Variants in ATP13A3 observed in about 807,000 individuals in gnomAD.
ATP13A3 encodes the protein ATPase 13A3.
In ATP13A3, 59 loss-of-function variants were observed where a neutral mutation model predicts 158.1. The ratio of observed to expected loss-of-function variants is 0.37; its 90% CI spans 0.30 to 0.46. ATP13A3 has a LOEUF of 0.46. Ranked by LOEUF, ATP13A3 falls within the 20% of genes least tolerant of loss-of-function variation. ATP13A3 has a pLI of 1.00. For missense variants in ATP13A3, 1,166 were observed against 1,525.2 expected (o/e 0.76, Z 3.92); for synonymous variants, 491 against 504.3 (o/e 0.97, Z 0.35).
At chr3:194,481,112 T>C (rs370183042) in intron 2 of ATP13A3, among the ~76,000 whole-genome samples, 26 of 152,178 alleles carry the variant, frequency 1.7e-4, no homozygotes, top group South Asian at 4.1e-4. Flanking sequence ...TGAGCAGTGA[T>C]TGCACTTTAT....
At chr3:194,467,584 T>C (rs1720069514) in intron 2 of ATP13A3, among the ~76,000 whole-genome samples, 1 of 152,190 alleles carries the variant, frequency 6.6e-6, no homozygotes, top group Non-Finnish European at 1.5e-5. Context: ...GAATATATTA[T>C]ACACCTCAAA....
intron 21 of ATP13A3, 68 bp downstream of exon 21, chr3:194,433,704 C>T (rs1449258632): frequency 1.3e-6 from 2 of 1,566,886 alleles, no homozygotes; most frequent in Non-Finnish European, 1.7e-6. Context: ...ACTGATTATC[C>T]CTCAATATAA....
intron 2 of ATP13A3, among the ~76,000 whole-genome samples, chr3:194,477,900 C>G (rs1720595083): frequency 6.6e-6 from 1 of 152,140 alleles, no homozygotes; most frequent in African/African-American, 2.4e-5. Context: ...GGGTTGAATA[C>G]CTCTGTGTCT....
At chr3:194,430,214 T>C (rs776244680) in intron 25 of ATP13A3, 33 bp from the exon 26 acceptor site, 5 of 1,613,490 alleles carry the variant, frequency 3.1e-6, no homozygotes, top group Non-Finnish European at 3.4e-6. Context: ...TTAAGTTTTG[T>C]GAATATGATT....
chr3:194,454,726 G>A (rs1402707319), intron 8 of ATP13A3, among the ~76,000 whole-genome samples: 1 of 152,026 alleles, frequency 6.6e-6, no homozygotes, highest in African/African-American at 2.4e-5. Flanking sequence ...CTACTCAGGA[G>A]GCCGAAGCAG....
chr3:194,422,264 T>A (rs1302256916), intron 30 of ATP13A3, among the ~76,000 whole-genome samples: 1 of 152,168 alleles, frequency 6.6e-6, no homozygotes, highest in African/African-American at 2.4e-5. Context: ...GGTATTCACT[T>A]TAGAGAGGTA....
intron 2 of ATP13A3, among the ~76,000 whole-genome samples, chr3:194,463,494 C>T (rs980614546): frequency 1.3e-5 from 2 of 151,860 alleles, no homozygotes; most frequent in African/African-American, 4.8e-5. Context: ...TAGCTATAGT[C>T]CACATAAATA....
At chr3:194,472,711 A>G (rs959207749) in intron 2 of ATP13A3, among the ~76,000 whole-genome samples, 13 of 152,242 alleles carry the variant, frequency 8.5e-5, no homozygotes, top group African/African-American at 3.1e-4. Context: ...TGTTCATCAC[A>G]GCACTATTCA....
rs150930223 is a variant in ATP13A3, at chr3:194,403,122, T to C, written c.*2797A>G. On this transcript the variant is annotated 3_prime_UTR_variant, in exon 34 of 34. Coordinates refer to ENST00000645319, the MANE Select transcript of ATP13A3 (RefSeq NM_001367549.1). ...TTTTGCTCTTCACTGGATAATGTTA[T>C]CTATAGCTGTTTCTGTAACAGACTA... The C allele has an allele frequency of 8.3e-4, 127 of 152,346 alleles. 1 individual carries two copies. Among genetic ancestry groups the C allele is most frequent in the African/African-American group, 3.0e-3 (124 of 41,584 alleles). 9.4% of individuals were successfully genotyped at this position (152,346 alleles called of 1,614,324 possible).
rs1317093052 is a variant in ATP13A3 at position 194,431,041 on chromosome 3, A to T, written c.2545-19T>A. On this transcript the variant is annotated intron_variant, in intron 23 of 33. Coordinates refer to ENST00000645319, the MANE Select transcript of ATP13A3 (RefSeq NM_001367549.1). ...ACATCAACTGGAAACAATAATACAA[A>T]TTTTTTTAAAATACTGTTGCGATGC... 9 of 1,613,494 alleles carry T rather than the reference A, an allele frequency of 5.6e-6. No homozygotes were observed. Among genetic ancestry groups the T allele is most frequent in the Middle Eastern group, 3.3e-4 (2 of 6,060 alleles).
intron 30 of ATP13A3, chr3:194,420,400 CTG>C (rs1249245823): frequency 6.5e-6 from 1 of 153,508 alleles, no homozygotes; most frequent in African/African-American, 2.4e-5. Flanking sequence ...TTACTATTGA[CTG>C]TAAAAATGCT....
intron 29 of ATP13A3, among the ~76,000 whole-genome samples, chr3:194,425,759 G>T (rs1379796840): frequency 6.6e-6 from 1 of 152,092 alleles, no homozygotes; most frequent in Non-Finnish European, 1.5e-5. Context: ...GAATCAAGTA[G>T]GAAATATTTA....
intron 8 of ATP13A3, among the ~76,000 whole-genome samples, 198 bp from the exon 9 acceptor site, chr3:194,454,590 A>T (rs552988908): frequency 1.3e-5 from 2 of 151,826 alleles, no homozygotes; most frequent in East Asian, 3.9e-4. Flanking sequence ...GCACTTTGGG[A>T]GGCCAAGGCG....
intron 2 of ATP13A3, among the ~76,000 whole-genome samples, chr3:194,470,683 T>G (rs1720261055): frequency 1.3e-5 from 2 of 152,222 alleles, no homozygotes; most frequent in South Asian, 4.1e-4. Context: ...TTTCAATTAT[T>G]CAAGCTACTA....
At chr3:194,436,847 C>T (rs1465030551) in intron 20 of ATP13A3, among the ~76,000 whole-genome samples, 3 of 152,120 alleles carry the variant, frequency 2.0e-5, no homozygotes, top group Non-Finnish European at 2.9e-5. Context: ...TGCAGTGACC[C>T]GAGACGGCAG....
chr3:194,451,685 C>T (rs886127663), intron 10 of ATP13A3: 1 of 152,396 alleles, frequency 6.6e-6, no homozygotes, highest in African/African-American at 2.4e-5. Context: ...TAAATCAAAG[C>T]GGCTTCTGCC....
chr3:194,422,967 T>C (rs1716498913), intron 30 of ATP13A3, among the ~76,000 whole-genome samples: 2 of 150,302 alleles, frequency 1.3e-5, no homozygotes, highest in African/African-American at 2.5e-5. Flanking sequence ...AAAAGATACA[T>C]AGGCCCTGAA....
chr3:194,432,161 C>A, intron 21 of ATP13A3: 1 of 375,012 alleles, frequency 2.7e-6, no homozygotes, highest in Non-Finnish European at 4.7e-6. Context: ...CTTTTCCAGT[C>A]ATGCACTATT....
intron 28 of ATP13A3, 145 bp downstream of exon 28, chr3:194,428,700 C>T (rs1046309830): frequency 3.7e-6 from 2 of 537,990 alleles, no homozygotes; most frequent in Non-Finnish European, 6.5e-6. Context: ...AAGATATAAA[C>T]AACTGGTAAT....
Sources: allele counts gnomAD v4.1 joint callset (sites outside exome capture counted in the v4.1 genomes callset), GRCh38; gene constraint gnomAD v4.1.1; transcripts MANE v1.5; gene names NCBI Gene and HGNC (gene_info 2026-07-23, HGNC 2026-07-21).